MAB21L3: variants seen among roughly 807,000 people sequenced by gnomAD.
MAB21L3 encodes the protein mab-21 like 3, also known as protein mab-21-like 3.
In MAB21L3, 36 loss-of-function variants were observed where a neutral mutation model predicts 37.7. That is an observed-to-expected ratio of 0.96 (90% CI 0.73 to 1.26). The LOEUF (loss-of-function observed/expected upper bound fraction) is 1.26, where lower values mean the gene tolerates loss of function less well. MAB21L3 is among the 50% of genes most tolerant of loss of function. MAB21L3 has a pLI of 0.00. For missense variants in MAB21L3, 430 were observed against 447.3 expected (o/e 0.96, Z 0.35); for synonymous variants, 186 against 176.8 (o/e 1.05, Z -0.41).
rs908600720 is a variant in MAB21L3, at chr1:116,136,608, G to C, written c.*3243G>C. On this transcript the variant is annotated 3_prime_UTR_variant, in exon 8 of 8. Transcript: ENST00000369500. ...CAAGCTACCAATGACTTTCTTCACA[G>C]AATTGGAAAAAACTACTTTAAAGTT... 1.2e-4 allele frequency among the ~76,000 whole-genome samples: 18 copies of C among 152,152 alleles called. No individual in the cohort carries two copies. The highest frequency in any genetic ancestry group is 8.3e-4 in the South Asian group (4 of 4,824).
chr1:116,112,517 C>A lies in MAB21L3; in HGVS notation c.-99C>A. 1 of 1,077,482 alleles carries A rather than the reference C, an allele frequency of 9.3e-7. No homozygotes were observed. The highest frequency in any genetic ancestry group is 1.4e-5 in the South Asian group (1 of 73,106). The allele number at this position is 1,077,482 out of a possible 1,614,324, so 66.7% of individuals were successfully genotyped here. A position where few individuals can be genotyped will look rare whatever the true frequency, so the allele number is the denominator to read the frequency against. ...GAAAAACTTAGTACCCAGAGACTCA[C>A]ATTACTGGGAGTGCTATCTACTCAC... On this transcript the variant is annotated 5_prime_UTR_variant, in exon 3 of 8. Coordinates refer to ENST00000369500, the MANE Select transcript of MAB21L3 (RefSeq NM_152367.3).
In MAB21L3 at chr1:116,122,865, A is replaced by C. The variant is rs115551698; in HGVS notation, c.190-1201A>C. 4.9e-3 allele frequency among the ~76,000 whole-genome samples: 748 copies of C among 152,376 alleles called. 6 individuals are homozygous for C. Among genetic ancestry groups the C allele is most frequent in the African/African-American group, 0.016 (684 of 41,586 alleles). On this transcript the variant is annotated intron_variant, in intron 4 of 7. Transcript: ENST00000369500. The stretch of plus-strand genomic sequence containing the variant: ...TTGAATTCACATGAAAGTGAATTGA[A>C]ATAATGTACAGATCTGAAATTCCAG...
At position 116,120,967 on chromosome 1, in the gene MAB21L3, G is replaced by T. The variant is rs766160016; in HGVS notation, c.84G>T (p.Val28=). The part of the protein sequence containing the change: ...DLRRQQISQA[V]EEVQKVVHHL... ...GGCGCCAGCAGATTTCCCAGGCTGT[G>T]GAGGAGGTGCAGAAAGTCGTTCATC... Residue 28 remains valine (V), a synonymous_variant, in exon 4 of 8, where the codon GTG becomes GTT. Transcript: ENST00000369500. The T allele has an allele frequency of 1.2e-6, 2 of 1,614,050 alleles. No individual in the cohort carries two copies. The highest frequency in any genetic ancestry group is 3.3e-5 in the Admixed American group (2 of 60,000).
At position 116,124,121 on chromosome 1, in the gene MAB21L3, A is replaced by ACAGGGAGGC; in HGVS notation, c.253_261dup (p.Ala85_Glu87dup). The ACAGGGAGGC allele has an allele frequency of 1.2e-6, 2 of 1,613,910 alleles. No homozygotes were observed. Among genetic ancestry groups the ACAGGGAGGC allele is most frequent in the Non-Finnish European group, 1.7e-6 (2 of 1,179,810 alleles). On this transcript the variant is annotated inframe_insertion, in exon 5 of 8. Coordinates refer to ENST00000369500, the MANE Select transcript of MAB21L3 (RefSeq NM_152367.3). Reference sequence around the variant, plus strand: ...GTCCCAATAAAAGGCCTGGCCGGGTACAGGGAGGCCAGGGAGCAGCACTGG... The same window carrying ACAGGGAGGC: ...GTCCCAATAAAAGGCCTGGCCGGGTACAGGGAGGCCAGGGAGGCCAGGGAGCAGCACTGG...
intron 3 of MAB21L3, among the ~76,000 whole-genome samples, chr1:116,120,127 C>CT (rs1003837334): frequency 6.6e-6 from 1 of 152,084 alleles, no homozygotes; most frequent in Non-Finnish European, 1.5e-5. Context: ...GATCTGGTCC[C>CT]TGCTTTCCTT....
intron 3 of MAB21L3, among the ~76,000 whole-genome samples, chr1:116,115,239 G>A (rs986912758): frequency 6.6e-6 from 1 of 152,186 alleles, no homozygotes; most frequent in Non-Finnish European, 1.5e-5. Context: ...TAGTTTCACG[G>A]TAATGCTGCT....
At chr1:116,116,230 C>CTGG (rs1173076537) in intron 3 of MAB21L3, among the ~76,000 whole-genome samples, 1 of 152,128 alleles carries the variant, frequency 6.6e-6, no homozygotes, top group East Asian at 1.9e-4. Flanking sequence ...CAAGAGGTGT[C>CTGG]TGGCACTAAG....
intron 3 of MAB21L3, among the ~76,000 whole-genome samples, chr1:116,115,983 T>C (rs1451547637): frequency 1.3e-5 from 2 of 152,178 alleles, no homozygotes; most frequent in African/African-American, 4.8e-5. Flanking sequence ...CTGCAACTGG[T>C]ATCTTGCTGG....
intron 2 of MAB21L3, 110 bp downstream of exon 2, chr1:116,111,920 C>T (rs1659434384): frequency 6.5e-6 from 1 of 153,506 alleles, no homozygotes; most frequent in Non-Finnish European, 1.4e-5. Context: ...ACGTGTGTGC[C>T]TGTGTATATG....
At chr1:116,118,911 T>C (rs1659663230) in intron 3 of MAB21L3, among the ~76,000 whole-genome samples, 1 of 152,246 alleles carries the variant, frequency 6.6e-6, no homozygotes, top group African/African-American at 2.4e-5. Context: ...ATAGCATCTG[T>C]GCAAACCTCT....
intron 2 of MAB21L3, 61 bp from the exon 3 acceptor site, chr1:116,112,346 A>G (rs1367179186): frequency 5.7e-6 from 2 of 349,254 alleles, no homozygotes. Flanking sequence ...ATTAGGTTGG[A>G]CTCAAATTCA....
At position 116,133,613 on chromosome 1, in the gene MAB21L3, G is replaced by C; in HGVS notation, c.*248G>C. The C allele has an allele frequency of 1.8e-6, 1 of 559,180 alleles. No individual in the cohort carries two copies. The highest frequency in any genetic ancestry group is 3.2e-6 in the Non-Finnish European group (1 of 312,192). 34.6% of individuals were successfully genotyped at this position (559,180 alleles called of 1,614,324 possible). On this transcript the variant is annotated 3_prime_UTR_variant, in exon 8 of 8. Coordinates refer to ENST00000369500, the MANE Select transcript of MAB21L3 (RefSeq NM_152367.3). ...TTCTCCTGGAGACAGCTCTCATCAG[G>C]CTTCCCCAGGCACAGATTTGGAACT...
intron 7 of MAB21L3, 84 bp from the exon 8 acceptor site, chr1:116,133,048 G>A: frequency 8.7e-7 from 1 of 1,145,632 alleles, no homozygotes; most frequent in South Asian, 1.4e-5. Context: ...CTCCTTCCAA[G>A]GCCACATAAG....
At chr1:116,123,316 G>C (rs1011065807) in intron 4 of MAB21L3, among the ~76,000 whole-genome samples, 1 of 151,992 alleles carries the variant, frequency 6.6e-6, no homozygotes, top group African/African-American at 2.4e-5. Context: ...CATCTCAACA[G>C]CTCACATTGT....
chr1:116,125,718 TG>T, intron 5 of MAB21L3, among the ~76,000 whole-genome samples: 1 of 152,376 alleles, frequency 6.6e-6, no homozygotes, highest in Non-Finnish European at 1.5e-5. Flanking sequence ...ATAAGTTTCA[TG>T]GGTTATTTAA....
At position 116,133,721 on chromosome 1, in the gene MAB21L3, G is replaced by A; in HGVS notation, c.*356G>A. 2.9e-6 allele frequency: 1 copy of A among 340,448 alleles called. No homozygotes were observed. The allele number at this position is 340,448 out of a possible 1,614,324, so 21.1% of individuals were successfully genotyped here. On this transcript the variant is annotated 3_prime_UTR_variant, in exon 8 of 8. Transcript: ENST00000369500. ...ATGGAGACAGAACCCCTGGAAGTCT[G>A]GACATGAGCCTGCTGGCCAATACTG...
chr1:116,120,205 G>A (rs917322700), intron 3 of MAB21L3, among the ~76,000 whole-genome samples: 2 of 152,048 alleles, frequency 1.3e-5, no homozygotes, highest in African/African-American at 2.4e-5. Flanking sequence ...GCTAGCCTTA[G>A]AGCATTGCCT....
intron 3 of MAB21L3, among the ~76,000 whole-genome samples, chr1:116,114,322 G>C (rs1209419757): frequency 6.6e-6 from 1 of 152,178 alleles, no homozygotes; most frequent in South Asian, 2.1e-4. Context: ...TTTAGAGTTC[G>C]TTAAAGGCAA....
intron 3 of MAB21L3, among the ~76,000 whole-genome samples, chr1:116,116,201 T>C (rs1659584065): frequency 6.6e-6 from 1 of 152,170 alleles, no homozygotes; most frequent in Non-Finnish European, 1.5e-5. Context: ...GGTTCTGTGT[T>C]GTCACACCAT....
Sources: gnomAD v4.1 joint callset for allele counts (sites outside exome capture counted in the v4.1 genomes callset) on GRCh38, gnomAD v4.1.1 for gene constraint, MANE v1.5 for transcripts, NCBI Gene and HGNC (gene_info 2026-07-23, HGNC 2026-07-21) for gene names.